Variants in GLYATL1 observed in about 807,000 individuals in gnomAD.
GLYATL1 encodes the protein glycine-N-acyltransferase like 1, also known as glycine N-acyltransferase-like protein 1.
In GLYATL1, 15 loss-of-function variants were observed where a neutral mutation model predicts 20.0. The observed-to-expected ratio is 0.75, with a 90% CI of 0.50 to 1.15. The LOEUF (loss-of-function observed/expected upper bound fraction) is 1.15, where lower values mean the gene tolerates loss of function less well. Ranked by LOEUF, GLYATL1 falls within the 50% of genes most tolerant of loss-of-function variation. GLYATL1 has a pLI of 0.00. For synonymous variants in GLYATL1, 151 were observed against 131.5 expected (o/e 1.15, Z -1.01); for missense variants, 380 against 368.5 (o/e 1.03, Z -0.26).
chr11:58,940,450 G>A (rs939754047), intron 1 of GLYATL1, among the ~76,000 whole-genome samples: 1 of 152,140 alleles, frequency 6.6e-6, no homozygotes, highest in East Asian at 1.9e-4. Flanking sequence ...ATGTGTCTTT[G>A]GGTGTATGTA....
chr11:58,949,067 A>G (rs544245211), intron 4 of GLYATL1, among the ~76,000 whole-genome samples: 1 of 152,368 alleles, frequency 6.6e-6, no homozygotes, highest in South Asian at 2.1e-4. Context: ...ATAATTAGCC[A>G]TTATTGGCTG....
Position 58,955,723 on chromosome 11 carries a change from T to TA in GLYATL1, c.606dup (p.Glu203ArgfsTer26). The TA allele has an allele frequency of 6.2e-7, 1 of 1,614,176 alleles. No homozygotes were observed. The highest frequency in any genetic ancestry group is 8.5e-7 in the Non-Finnish European group (1 of 1,180,028). On this transcript the variant is annotated frameshift_variant, in exon 7 of 7. Transcript: ENST00000532726. LOFTEE classifies it low-confidence loss of function (END_TRUNC). ...AGCCTGCATTACATCAAGCGCTGCA[T>TA]AGAAGACCTGCCAGCAGCCTGTATG... is the stretch of plus-strand genomic sequence containing the variant.
intron 2 of GLYATL1, among the ~76,000 whole-genome samples, chr11:58,943,958 T>C (rs1017946826): frequency 2.1e-5 from 1 of 48,156 alleles, no homozygotes; most frequent in African/African-American, 6.4e-5. Context: ...TTCTTTTCTT[T>C]TCTTTTTTTT....
chr11:58,951,312 C>T (rs922816049), intron 4 of GLYATL1, among the ~76,000 whole-genome samples: 3 of 152,006 alleles, frequency 2.0e-5, no homozygotes. Context: ...AAGTCATTCC[C>T]TACTGAAATA....
intron 2 of GLYATL1, among the ~76,000 whole-genome samples, chr11:58,945,752 A>G (rs1489348615): frequency 1.3e-5 from 2 of 152,172 alleles, no homozygotes; most frequent in African/African-American, 4.8e-5. Flanking sequence ...TTTGACAGCT[A>G]CAAGAACAGC....
At chr11:58,925,679 A>C (rs1041847070), upstream of GLYATL1, among the ~76,000 whole-genome samples, 6 of 152,176 alleles carry the variant, frequency 3.9e-5, no homozygotes, top group African/African-American at 1.4e-4. Flanking sequence ...ACATTTTTCC[A>C]TAAAACTGCT....
chr11:58,938,655 A>G (rs1257171503), upstream of GLYATL1, among the ~76,000 whole-genome samples: 2 of 152,202 alleles, frequency 1.3e-5, no homozygotes, highest in African/African-American at 4.8e-5. Flanking sequence ...GAGTAGATAC[A>G]TCAGAGAAGT....
At chr11:58,925,209 GA>G (rs1354228128), upstream of GLYATL1, among the ~76,000 whole-genome samples, 1 of 152,118 alleles carries the variant, frequency 6.6e-6, no homozygotes, top group African/African-American at 2.4e-5. Context: ...AGTACTTCAA[GA>G]AAAACTTGTG....
chr11:58,921,327 C>G (rs1460055932), intron 1 of GLYATL1, among the ~76,000 whole-genome samples: 1 of 152,148 alleles, frequency 6.6e-6, no homozygotes, highest in Non-Finnish European at 1.5e-5. Flanking sequence ...AGTGTTCAGT[C>G]CTGGTGTCTA....
intron 4 of GLYATL1, among the ~76,000 whole-genome samples, chr11:58,953,281 T>A: frequency 6.6e-6 from 1 of 152,136 alleles, no homozygotes; most frequent in Non-Finnish European, 1.5e-5. Flanking sequence ...ATAACATCCA[T>A]TTCTTTTATC....
intron 1 of GLYATL1, chr11:58,928,792 A>G (rs1021300277): frequency 2.0e-5 from 3 of 152,246 alleles, no homozygotes; most frequent in Middle Eastern, 3.2e-3. Flanking sequence ...CATGGTTAAG[A>G]GAGTAGTTCT....
intron 4 of GLYATL1, among the ~76,000 whole-genome samples, chr11:58,949,657 A>T (rs1458588781): frequency 6.6e-6 from 1 of 152,124 alleles, no homozygotes; most frequent in African/African-American, 2.4e-5. Flanking sequence ...AAAATATAAA[A>T]GTCCCACACC....
At chr11:58,947,836 G>A in intron 3 of GLYATL1, 22 bp from the exon 4 acceptor site, 1 of 1,510,954 alleles carries the variant, frequency 6.6e-7, no homozygotes, top group Non-Finnish European at 9.2e-7. Context: ...ACCTCTCCTG[G>A]TCCCTTTCAT....
At chr11:58,947,725 T>C (rs141668463) in intron 3 of GLYATL1, 133 bp from the exon 4 acceptor site, 12 of 674,454 alleles carry the variant, frequency 1.8e-5, no homozygotes, top group East Asian at 1.3e-4. Context: ...TCCAGGACCA[T>C]ACTGCTCATC....
chr11:58,921,988 G>A (rs1855319576), intron 1 of GLYATL1, among the ~76,000 whole-genome samples: 1 of 152,180 alleles, frequency 6.6e-6, no homozygotes, highest in South Asian at 2.1e-4. Context: ...TCTGCACATA[G>A]TAGCAGCTCT....
chr11:58,906,419 AC>A (rs1330591523), intron 1 of GLYATL1, among the ~76,000 whole-genome samples: 1 of 152,066 alleles, frequency 6.6e-6, no homozygotes, highest in East Asian at 1.9e-4. Context: ...CAGAGCAGAA[AC>A]TTTATTCACT....
upstream of GLYATL1, among the ~76,000 whole-genome samples, chr11:58,937,047 T>C (rs564807379): frequency 6.6e-6 from 1 of 152,344 alleles, no homozygotes; most frequent in African/African-American, 2.4e-5. Flanking sequence ...CATCCTTTTC[T>C]GATATTTATT....
intron 1 of GLYATL1, among the ~76,000 whole-genome samples, chr11:58,914,317 G>C (rs1313974831): frequency 2.0e-5 from 3 of 152,146 alleles, no homozygotes; most frequent in African/African-American, 7.2e-5. Context: ...AGTCTCCCAT[G>C]CAATAGAAAT....
chr11:58,953,406 T>TC (rs1857147112), intron 4 of GLYATL1, among the ~76,000 whole-genome samples: 1 of 140,198 alleles, frequency 7.1e-6, no homozygotes, highest in Non-Finnish European at 1.6e-5. Context: ...TTTTTTTTTT[T>TC]GCTTTTTTCT....
Sources: gnomAD v4.1 joint callset for allele counts (sites outside exome capture counted in the v4.1 genomes callset) on GRCh38, gnomAD v4.1.1 for gene constraint, MANE v1.5 for transcripts, NCBI Gene and HGNC (gene_info 2026-07-23, HGNC 2026-07-21) for gene names.